Variants in DMRT1 observed in about 807,000 individuals in gnomAD.
DMRT1 encodes doublesex- and mab-3-related transcription factor 1.
DMRT1 carries 7 observed loss-of-function variants against 32.3 expected under a neutral mutation model. The ratio of observed to expected loss-of-function variants is 0.22; its 90% CI spans 0.12 to 0.41. The LOEUF is 0.41. Ranked by LOEUF, DMRT1 falls within the 10% of genes least tolerant of loss-of-function variation. DMRT1 has a pLI of 1.00. For missense variants in DMRT1, 625 were observed against 500.5 expected (o/e 1.25, Z -2.37); for synonymous variants, 278 against 206.1 (o/e 1.35, Z -2.99).
At chr9:852,097 C>T (rs1048217335) in intron 2 of DMRT1, among the ~76,000 whole-genome samples, 1 of 151,738 alleles carries the variant, frequency 6.6e-6, no homozygotes, top group African/African-American at 2.4e-5. Flanking sequence ...TCACCACCAC[C>T]CGTTTAATTT....
At chr9:916,102 C>T (rs930530647) in intron 3 of DMRT1, among the ~76,000 whole-genome samples, 1 of 152,186 alleles carries the variant, frequency 6.6e-6, no homozygotes, top group Admixed American at 6.5e-5. Flanking sequence ...CAGTTTTGCA[C>T]ATGAAGAAAC....
chr9:846,812 C>A, intron 1 of DMRT1, 148 bp from the exon 2 acceptor site: 1 of 957,426 alleles, frequency 1.0e-6, no homozygotes, highest in Non-Finnish European at 1.6e-6. Context: ...ATCATAGTTA[C>A]CTGGGTGGGT....
chr9:866,056 C>T (rs964111831), intron 2 of DMRT1, among the ~76,000 whole-genome samples: 48 of 146,492 alleles, frequency 3.3e-4, no homozygotes, highest in African/African-American at 1.2e-3. Context: ...CCCAGCTGCT[C>T]AGGAGGCTGA....
rs201141931 is a variant in DMRT1, at chr9:911,470, ATTTTTTTTTTTTTTT to A, written c.823-5266_823-5252del. Among the ~76,000 whole-genome samples, 546 of 66,800 alleles carry A rather than the reference ATTTTTTTTTTTTTTT, an allele frequency of 8.2e-3. 6 individuals are homozygous for A. Among genetic ancestry groups the A allele is most frequent in the Middle Eastern group, 0.029 (3 of 104 alleles). 43.8% of individuals were successfully genotyped at this position (66,800 alleles called of 152,430 possible). A position where few individuals can be genotyped will look rare whatever the true frequency, so the allele number is the denominator to read the frequency against. ...CCATGCCTTTTTCTGGGTTAATTGC[ATTTTTTTTTTTTTTT>A]TTTTTTTTTTTTTTTTTTTTTTTTT... On this transcript the variant is annotated intron_variant, in intron 3 of 4. Coordinates refer to ENST00000382276, the MANE Select transcript of DMRT1 (RefSeq NM_021951.3).
chr9:946,260 CT>C (rs1251549655), intron 4 of DMRT1, among the ~76,000 whole-genome samples: 53 of 152,196 alleles, frequency 3.5e-4, no homozygotes, highest in African/African-American at 1.3e-3. Context: ...AACCCCAAGA[CT>C]GGCTGCACCT....
chr9:847,025 C>G lies in DMRT1; in HGVS notation c.420C>G (p.Pro140=). Reference sequence around the variant, plus strand: ...GTATCAGCCACCCCATCCCACTGCCCAGTGCGGCCGAGCTGCTTGTCAAAA... The same window carrying G: ...GTATCAGCCACCCCATCCCACTGCCGAGTGCGGCCGAGCTGCTTGTCAAAA... ...ELGISHPIPL[P]SAAELLVKRE... Residue 140 remains proline, a synonymous_variant, in exon 2 of 5, where the codon CCC becomes CCG. Coordinates refer to ENST00000382276, the MANE Select transcript of DMRT1 (RefSeq NM_021951.3). 2 of 1,614,140 alleles carry G rather than the reference C, an allele frequency of 1.2e-6. No individual in the cohort carries two copies. Among genetic ancestry groups the G allele is most frequent in the Non-Finnish European group, 1.7e-6 (2 of 1,180,034 alleles).
At chr9:855,350 A>T (rs1481095805) in intron 2 of DMRT1, among the ~76,000 whole-genome samples, 3 of 152,228 alleles carry the variant, frequency 2.0e-5, no homozygotes, top group South Asian at 2.1e-4. Flanking sequence ...TAAAAAACAA[A>T]AACATTTGAT....
intron 4 of DMRT1, 97 bp downstream of exon 4, chr9:917,004 A>G: frequency 3.7e-6 from 5 of 1,357,332 alleles, no homozygotes; most frequent in Non-Finnish European, 5.3e-6. Flanking sequence ...GCTGTTAGTA[A>G]TTGTTGGAAA....
intron 4 of DMRT1, among the ~76,000 whole-genome samples, chr9:921,295 C>T (rs1818345649): frequency 6.6e-6 from 1 of 152,210 alleles, no homozygotes; most frequent in Admixed American, 6.5e-5. Context: ...CATGATTCAG[C>T]TACACTGTCG....
At chr9:843,839 C>A (rs61651493) in intron 1 of DMRT1, among the ~76,000 whole-genome samples, 1 of 152,056 alleles carries the variant, frequency 6.6e-6, no homozygotes, top group African/African-American at 2.4e-5. Context: ...TTATACTAAA[C>A]GTATTTTGGC....
In DMRT1 at chr9:864,263, G is replaced by A. The variant is rs184489817; in HGVS notation, c.538+17120G>A. ...CTTTGTCACCAGGCTGGAGTGCAGT[G>A]GTGTGATCTCGGCTCACTGCAGCCT... On this transcript the variant is annotated intron_variant, in intron 2 of 4. Transcript: ENST00000382276. Among the ~76,000 whole-genome samples the A allele has an allele frequency of 3.2e-3, 487 of 151,240 alleles. 3 individuals are homozygous for A. The highest frequency in any genetic ancestry group is 0.011 in the African/African-American group (457 of 41,162).
intron 4 of DMRT1, among the ~76,000 whole-genome samples, chr9:949,213 A>C (rs1030709460): frequency 1.3e-5 from 2 of 152,110 alleles, no homozygotes; most frequent in African/African-American, 4.8e-5. Flanking sequence ...CAAAAAATAA[A>C]ACAATTAGCT....
At chr9:962,613 G>A (rs1234120853) in intron 4 of DMRT1, among the ~76,000 whole-genome samples, 8 of 152,008 alleles carry the variant, frequency 5.3e-5, no homozygotes, top group African/African-American at 1.9e-4. Context: ...GTCCAGGAGG[G>A]CCTGGGTGGG....
intron 4 of DMRT1, among the ~76,000 whole-genome samples, chr9:936,941 C>G (rs996516994): frequency 7.2e-5 from 11 of 152,116 alleles, no homozygotes; most frequent in Admixed American, 7.2e-4. Flanking sequence ...TATCTATTTG[C>G]AGAATGTTTT....
intron 4 of DMRT1, among the ~76,000 whole-genome samples, chr9:934,250 G>A (rs1016850884): frequency 2.0e-5 from 3 of 150,600 alleles, no homozygotes; most frequent in Admixed American, 1.3e-4. Flanking sequence ...TTTCGTGAGT[G>A]GCCTCTTCAC....
At chr9:930,832 G>T (rs890110988) in intron 4 of DMRT1, among the ~76,000 whole-genome samples, 1 of 152,082 alleles carries the variant, frequency 6.6e-6, no homozygotes, top group Non-Finnish European at 1.5e-5. Flanking sequence ...GAGCCATTGT[G>T]CCCAGCCCTG....
chr9:895,256 G>A (rs1037454805), intron 3 of DMRT1, among the ~76,000 whole-genome samples: 12 of 152,164 alleles, frequency 7.9e-5, no homozygotes, highest in African/African-American at 2.9e-4. Context: ...CATCATGCCC[G>A]TTTGTTAGCA....
chr9:895,167 G>A (rs527399261), intron 3 of DMRT1, among the ~76,000 whole-genome samples: 5 of 152,346 alleles, frequency 3.3e-5, no homozygotes, highest in African/African-American at 7.2e-5. Context: ...GATATTTGGA[G>A]TAAAACAAAG....
chr9:846,528 T>C (rs149830763), intron 1 of DMRT1, among the ~76,000 whole-genome samples: 1 of 152,288 alleles, frequency 6.6e-6, no homozygotes, highest in Non-Finnish European at 1.5e-5. Context: ...TATAGTTTTT[T>C]CCTGATCCTC....
Sources: allele counts gnomAD v4.1 joint callset (sites outside exome capture counted in the v4.1 genomes callset), GRCh38; gene constraint gnomAD v4.1.1; transcripts MANE v1.5; gene names NCBI Gene and HGNC (gene_info 2026-07-23, HGNC 2026-07-21).